Variants in IQCH observed in about 807,000 individuals in gnomAD.
IQCH encodes the protein IQ domain-containing protein H.
Under a neutral mutation model 117.0 loss-of-function variants are expected in IQCH, and 98 were observed. The observed-to-expected ratio is 0.84, with a 90% confidence interval of 0.71 to 0.99. The LOEUF is 0.99. IQCH is among the 50% of genes least tolerant of loss of function. The pLI is 0.00. For synonymous variants in IQCH, 412 were observed against 448.2 expected (o/e 0.92, Z 1.02); for missense variants, 1,102 against 1,243.8 (o/e 0.89, Z 1.72).
intron 8 of IQCH, among the ~76,000 whole-genome samples, chr15:67,361,676 G>A (rs918480205): frequency 6.6e-6 from 1 of 151,978 alleles, no homozygotes; most frequent in African/African-American, 2.4e-5. Context: ...TGCTTTCATC[G>A]GCTCCGACTT....
At position 67,465,688 on chromosome 15, in the gene IQCH, G is replaced by A. The variant is rs2082913386; in HGVS notation, c.2676+391G>A. On this transcript the variant is annotated intron_variant, in intron 17 of 20. Coordinates refer to ENST00000335894, the MANE Select transcript of IQCH (RefSeq NM_001031715.3). This position sits in a 1 kb window ranked among gnomAD's most constrained non-coding sequence, Gnocchi z 5.9. ...AACATCTCTGCTTCGAATCCTCAGAGTCAAGCTATCCAAAACTGCATCACA... is the reference window on the plus strand; with the variant it reads ...AACATCTCTGCTTCGAATCCTCAGAATCAAGCTATCCAAAACTGCATCACA... Among the ~76,000 whole-genome samples, 1 of 152,148 alleles carries A rather than the reference G, an allele frequency of 6.6e-6. No homozygotes were observed. The highest frequency in any genetic ancestry group is 1.5e-5 in the Non-Finnish European group (1 of 68,022).
rs558397144 is a variant in IQCH at position 67,476,383 on chromosome 15, G to T, written c.2799+565G>T. Among the ~76,000 whole-genome samples the T allele has an allele frequency of 1.3e-5, 2 of 152,146 alleles. No homozygotes were observed. The highest frequency in any genetic ancestry group is 2.9e-5 in the Non-Finnish European group (2 of 68,026). ...AAGGAGAGAGAGAGAGATCTCTGTT[G>T]TCTCTTTTACAAGGTACCAGTTCCG... is the stretch of plus-strand genomic sequence containing the variant. On this transcript the variant is annotated intron_variant, in intron 18 of 20. Transcript: ENST00000335894. The surrounding 1 kb of genome is among the most constrained non-coding windows in gnomAD (Gnocchi z 4.1).
rs72745469 is a variant in IQCH at position 67,359,742 on chromosome 15, C to T, written c.715-105C>T. 49 of 951,364 alleles carry T rather than the reference C, an allele frequency of 5.2e-5. No individual in the cohort carries two copies. The highest frequency in any genetic ancestry group is 6.7e-5 in the Non-Finnish European group (39 of 580,786). The allele number at this position is 951,364 out of a possible 1,614,324, so 58.9% of individuals were successfully genotyped here. A position where few individuals can be genotyped will look rare whatever the true frequency, so the allele number is the denominator to read the frequency against. On this transcript the variant is annotated intron_variant, in intron 7 of 20. Coordinates refer to ENST00000335894, the MANE Select transcript of IQCH (RefSeq NM_001031715.3). The surrounding 1 kb of genome is among the most constrained non-coding windows in gnomAD (Gnocchi z 4.5). ...GGAAAGAGAGAACAGGCTGGCCCAG[C>T]GGGTAAAATGGGGAAGGGGGTGAGG... is the stretch of plus-strand genomic sequence containing the variant.
At chr15:67,471,522 T>TAA (rs3083852) in intron 17 of IQCH, among the ~76,000 whole-genome samples, 34,245 of 152,118 alleles carry the variant, frequency 0.23, 4,863 homozygotes, top group East Asian at 0.5. Context: ...TAAGCAAAGT[T>TAA]AAGTGAGCTG....
At position 67,387,362 on chromosome 15, in the gene IQCH, C is replaced by T. The variant is rs984394192; in HGVS notation, c.1457-1469C>T. ...CTGCGTCTAGGTGTAAAAGACCTTC[C>T]CAACTTTGCGAATCTCTCCATCATC... On this transcript the variant is annotated intron_variant, in intron 11 of 20. Transcript: ENST00000335894. This position sits in a 1 kb window ranked among gnomAD's most constrained non-coding sequence, Gnocchi z 4.8. 6.6e-6 allele frequency among the ~76,000 whole-genome samples: 1 copy of T among 152,038 alleles called. No homozygotes were observed. Among genetic ancestry groups the T allele is most frequent in the Non-Finnish European group, 1.5e-5 (1 of 68,006 alleles).
In IQCH at chr15:67,490,404, T is replaced by A. The variant is rs1596490067; in HGVS notation, c.2861+340T>A. Among the ~76,000 whole-genome samples, 1 of 151,870 alleles carries A rather than the reference T, an allele frequency of 6.6e-6. No homozygotes were observed. Among genetic ancestry groups the A allele is most frequent in the South Asian group, 2.1e-4 (1 of 4,804 alleles). On this transcript the variant is annotated intron_variant, in intron 19 of 20. Transcript: ENST00000335894. The surrounding 1 kb of genome is among the most constrained non-coding windows in gnomAD (Gnocchi z 4.9). ...TATTTTTAGTAGAGACGGGGTTTCA[T>A]CATGTTGGCCAGGATGGTCTCGATC...
Position 67,465,429 on chromosome 15 carries a change from T to C in IQCH, c.2676+132T>C. ...AGCCTAAGGCAAGTCATTGGACTTG[T>C]CTGAGCAGGGTCTGGAAATGCGAAT... On this transcript the variant is annotated intron_variant, in intron 17 of 20. Transcript: ENST00000335894. The surrounding 1 kb of genome is among the most constrained non-coding windows in gnomAD (Gnocchi z 5.9). 1 of 860,526 alleles carries C rather than the reference T, an allele frequency of 1.2e-6. No homozygotes were observed. Among genetic ancestry groups the C allele is most frequent in the Non-Finnish European group, 1.8e-6 (1 of 565,842 alleles). 53.3% of individuals were successfully genotyped at this position (860,526 alleles called of 1,614,324 possible). A position where few individuals can be genotyped will look rare whatever the true frequency, so the allele number is the denominator to read the frequency against.
At chr15:67,450,537 G>A (rs1233627789) in intron 16 of IQCH, among the ~76,000 whole-genome samples, 52 of 152,214 alleles carry the variant, frequency 3.4e-4, no homozygotes, top group South Asian at 1.0e-3. Flanking sequence ...ATTGATTTGC[G>A]TATGTTGAAC....
At position 67,436,311 on chromosome 15, in the gene IQCH, T is replaced by TG. The variant is rs1165459582; in HGVS notation, c.2505+14735dup. Among the ~76,000 whole-genome samples, 1 of 152,250 alleles carries TG rather than the reference T, an allele frequency of 6.6e-6. No individual in the cohort carries two copies. The highest frequency in any genetic ancestry group is 2.4e-5 in the African/African-American group (1 of 41,536). On this transcript the variant is annotated intron_variant, in intron 16 of 20. Coordinates refer to ENST00000335894, the MANE Select transcript of IQCH (RefSeq NM_001031715.3). The surrounding 1 kb of genome is among the most constrained non-coding windows in gnomAD (Gnocchi z 5.1). ...ACACACACCCCCGCACTGGAGAAGC[T>TG]GAAGGTCTGTTTGCTGGAGAAGTTT...
intron 1 of IQCH, chr15:67,255,288 G>T (rs545065442): frequency 3.8e-5 from 13 of 339,522 alleles, no homozygotes; most frequent in Non-Finnish European, 7.2e-5. Flanking sequence ...ATGACGTCGG[G>T]AGTGGAGGAG....
intron 3 of IQCH, among the ~76,000 whole-genome samples, chr15:67,275,856 A>G (rs1023398990): frequency 9.8e-5 from 15 of 152,330 alleles, no homozygotes; most frequent in African/African-American, 3.6e-4. Context: ...CTCCAGCCTG[A>G]GTGACAGAGT....
rs548401477 is a variant in IQCH at position 67,466,667 on chromosome 15, G to T, written c.2676+1370G>T. On this transcript the variant is annotated intron_variant, in intron 17 of 20. Coordinates refer to ENST00000335894, the MANE Select transcript of IQCH (RefSeq NM_001031715.3). This position sits in a 1 kb window ranked among gnomAD's most constrained non-coding sequence, Gnocchi z 4.4. ...CTTCTTCATCCAGTTGCCCAATCAG[G>T]TACCAGGAAGAACCTTGCTCACAAG... The T allele has an allele frequency of 1.3e-5, 2 of 152,412 alleles. No homozygotes were observed. Among genetic ancestry groups the T allele is most frequent in the Non-Finnish European group, 2.9e-5 (2 of 68,170 alleles). The allele number at this position is 152,412 out of a possible 1,614,324, so 9.4% of individuals were successfully genotyped here.
chr15:67,271,142 G>A (rs1205013871), intron 3 of IQCH, among the ~76,000 whole-genome samples: 2 of 152,150 alleles, frequency 1.3e-5, no homozygotes, highest in South Asian at 2.1e-4. Context: ...CTAATTTTTT[G>A]TATTTTTAGT....
At chr15:67,382,173 A>T (rs1430875446) in intron 10 of IQCH, among the ~76,000 whole-genome samples, 1 of 152,166 alleles carries the variant, frequency 6.6e-6, no homozygotes, top group Non-Finnish European at 1.5e-5. Flanking sequence ...TGTAACGACA[A>T]AATGAGAAAA....
In IQCH at chr15:67,457,196, T is replaced by A. The variant is rs1429094115; in HGVS notation, c.2506-7931T>A. On this transcript the variant is annotated intron_variant, in intron 16 of 20. Coordinates refer to ENST00000335894, the MANE Select transcript of IQCH (RefSeq NM_001031715.3). The surrounding 1 kb of genome is among the most constrained non-coding windows in gnomAD (Gnocchi z 5.7). ...AGGCAGAGGGCCTATTGCATTTTAATGTTATGCAAACAACTCTTACCAAAT... is the reference window on the plus strand; with the variant it reads ...AGGCAGAGGGCCTATTGCATTTTAAAGTTATGCAAACAACTCTTACCAAAT... Among the ~76,000 whole-genome samples the A allele has an allele frequency of 5.3e-5, 8 of 152,204 alleles. No homozygotes were observed. The highest frequency in any genetic ancestry group is 1.2e-4 in the Non-Finnish European group (8 of 68,032).
chr15:67,492,844 G>A (rs2083699082), intron 19 of IQCH, among the ~76,000 whole-genome samples: 1 of 152,156 alleles, frequency 6.6e-6, no homozygotes, highest in Non-Finnish European at 1.5e-5. Context: ...CAGAAAGTAG[G>A]AGATAGAGGA....
In IQCH at chr15:67,426,644, T is replaced by A. The variant is rs1023594084; in HGVS notation, c.2505+5067T>A. ...ATAAAAATAAAAATGAAAAGCTAAA[T>A]AGAACTTGGAACATAGTAACTGTGT... On this transcript the variant is annotated intron_variant, in intron 16 of 20. Transcript: ENST00000335894. This position sits in a 1 kb window ranked among gnomAD's most constrained non-coding sequence, Gnocchi z 5.1. Among the ~76,000 whole-genome samples, 1 of 151,640 alleles carries A rather than the reference T, an allele frequency of 6.6e-6. No individual in the cohort carries two copies. Among genetic ancestry groups the A allele is most frequent in the African/African-American group, 2.4e-5 (1 of 41,250 alleles).
Position 67,395,575 on chromosome 15 carries a change from G to A in IQCH, c.1905+12G>A. 1.2e-6 allele frequency: 2 copies of A among 1,611,038 alleles called. No individual in the cohort carries two copies. The highest frequency in any genetic ancestry group is 1.7e-6 in the Non-Finnish European group (2 of 1,177,916). On this transcript the variant is annotated intron_variant, in intron 13 of 20. Transcript: ENST00000335894. This position sits in a 1 kb window ranked among gnomAD's most constrained non-coding sequence, Gnocchi z 4.0. ...ATAGTCAGCAACAGGTATGTGGGGT[G>A]GACAAGTGAAGCTCTGTTCAAATAT...
intron 4 of IQCH, among the ~76,000 whole-genome samples, chr15:67,297,335 T>C (rs1403044580): frequency 6.6e-6 from 1 of 152,172 alleles, no homozygotes; most frequent in Non-Finnish European, 1.5e-5. Context: ...GTTAACATAA[T>C]TTTTCCATTC....
Sources: gnomAD v4.1 joint callset for allele counts (sites outside exome capture counted in the v4.1 genomes callset) on GRCh38, gnomAD v4.1.1 for gene constraint, Gnocchi (gnomAD v3.1) non-coding constraint, MANE v1.5 for transcripts, NCBI Gene and HGNC (gene_info 2026-07-23, HGNC 2026-07-21) for gene names.